Variants in RHOBTB3 observed in about 807,000 individuals in gnomAD.
RHOBTB3 encodes Rho related BTB domain containing 3.
In RHOBTB3, 47 loss-of-function variants were observed where a neutral mutation model predicts 67.2. The observed-to-expected ratio is 0.70, with a 90% CI of 0.55 to 0.89. The LOEUF is 0.89. RHOBTB3 is among the 40% of genes least tolerant of loss of function. RHOBTB3 has a pLI of 0.00. For missense variants in RHOBTB3, 631 were observed against 750.0 expected (o/e 0.84, Z 1.85); for synonymous variants, 273 against 274.2 (o/e 1.00, Z 0.04).
chr5:95,780,179 T>C, intron 8 of RHOBTB3, 73 bp from the exon 9 acceptor site: 7 of 1,293,956 alleles, frequency 5.4e-6, no homozygotes, highest in Non-Finnish European at 7.6e-6. Flanking sequence ...GTAGTCTAAT[T>C]AGAAGGAAAA....
At chr5:95,762,566 G>A (rs755825437) in intron 6 of RHOBTB3, among the ~76,000 whole-genome samples, 1 of 143,514 alleles carries the variant, frequency 7.0e-6, no homozygotes, top group Admixed American at 7.4e-5. Flanking sequence ...AGGTAGAACT[G>A]GATCCTAGGT....
chr5:95,729,474 ATT>A (rs1561435363), upstream of RHOBTB3, among the ~76,000 whole-genome samples: 1 of 152,158 alleles, frequency 6.6e-6, no homozygotes, highest in African/African-American at 2.4e-5. Context: ...ATATTTTTAT[ATT>A]GTCATAAAAT....
Position 95,731,902 on chromosome 5 carries a change from C to T in RHOBTB3, c.46C>T (p.His16Tyr). 2 of 1,614,098 alleles carry T rather than the reference C, an allele frequency of 1.2e-6. No individual in the cohort carries two copies. Among genetic ancestry groups the T allele is most frequent in the South Asian group, 1.1e-5 (1 of 91,086 alleles). Residue 16 changes from histidine (H) to tyrosine (Y), a missense_variant, in exon 2 of 12, where the codon CAC (histidine) becomes TAC (tyrosine). Transcript: ENST00000379982. The stretch of plus-strand genomic sequence containing the variant: ...GCTGGGGAACGAGGGGGACACATTC[C>T]ACCAGGACAACCGGCCGTCGGGGCT... ...VALGNEGDTF[H>Y]QDNRPSGLIR...
chr5:95,754,354 A>G (rs1168829461), intron 5 of RHOBTB3, among the ~76,000 whole-genome samples: 1 of 152,180 alleles, frequency 6.6e-6, no homozygotes, highest in Non-Finnish European at 1.5e-5. Flanking sequence ...TCTGGGGCAC[A>G]TGGCATTTAG....
intron 8 of RHOBTB3, among the ~76,000 whole-genome samples, chr5:95,778,943 A>C (rs1420362269): frequency 1.3e-5 from 2 of 152,212 alleles, no homozygotes; most frequent in African/African-American, 4.8e-5. Context: ...TGGCTGTGCA[A>C]ATGGCAGTGC....
At chr5:95,783,131 TA>T (rs1746110260) in intron 9 of RHOBTB3, among the ~76,000 whole-genome samples, 1 of 151,340 alleles carries the variant, frequency 6.6e-6, no homozygotes, top group Non-Finnish European at 1.5e-5. Context: ...TTTTTATTTT[TA>T]TTTTTTTGAG....
intron 6 of RHOBTB3, among the ~76,000 whole-genome samples, chr5:95,760,976 T>C (rs1199580947): frequency 6.6e-6 from 1 of 152,186 alleles, no homozygotes; most frequent in East Asian, 1.9e-4. Flanking sequence ...AGTGTGCTCT[T>C]GAGAATTAGT....
At chr5:95,782,113 A>G (rs917228949) in intron 9 of RHOBTB3, 3 of 152,240 alleles carry the variant, frequency 2.0e-5, no homozygotes, top group African/African-American at 7.2e-5. Context: ...AAAATTGGCA[A>G]AAGTGTGTTA....
chr5:95,770,623 A>T, intron 8 of RHOBTB3: 1 of 485,576 alleles, frequency 2.1e-6, no homozygotes. Context: ...TCCATTAATT[A>T]CAGCAGAAGT....
intron 7 of RHOBTB3, among the ~76,000 whole-genome samples, chr5:95,764,944 G>A (rs1430289161): frequency 2.6e-5 from 4 of 152,034 alleles, no homozygotes; most frequent in Non-Finnish European, 4.4e-5. Flanking sequence ...TGGCAGGATG[G>A]TAGCTCTTGC....
At chr5:95,725,652 A>G (rs1755032098) in intron 1 of RHOBTB3, among the ~76,000 whole-genome samples, 1 of 152,234 alleles carries the variant, frequency 6.6e-6, no homozygotes, top group South Asian at 2.1e-4. Flanking sequence ...AAGCTGCTAT[A>G]AAATTCTTGT....
At chr5:95,757,746 T>TTAAGCACCTG (rs1745288178) in intron 6 of RHOBTB3, among the ~76,000 whole-genome samples, 1 of 152,164 alleles carries the variant, frequency 6.6e-6, no homozygotes, top group African/African-American at 2.4e-5. Context: ...AAAGCATAAA[T>TTAAGCACCTG]TAAGCACCTG....
intron 3 of RHOBTB3, among the ~76,000 whole-genome samples, chr5:95,738,051 T>C (rs1270590904): frequency 2.6e-5 from 4 of 152,228 alleles, no homozygotes; most frequent in Admixed American, 6.5e-5. Flanking sequence ...TGTGTTTATC[T>C]GTAGTTTGTT....
intron 11 of RHOBTB3, among the ~76,000 whole-genome samples, chr5:95,792,388 GAAAAA>G (rs752562205): frequency 7.4e-4 from 62 of 83,706 alleles, no homozygotes; most frequent in African/African-American, 2.8e-3. Context: ...CTCCGTCTCA[GAAAAA>G]AAAAAAAAAG....
At chr5:95,783,752 A>T (rs768242417) in intron 9 of RHOBTB3, 45 bp from the exon 10 acceptor site, 1 of 1,549,550 alleles carries the variant, frequency 6.5e-7, no homozygotes, top group South Asian at 1.2e-5. Context: ...TCATTAAAGA[A>T]ATGGTTTCAT....
rs748831329 is a variant in RHOBTB3 at position 95,731,499 on chromosome 5, G to A, written c.-184G>A. 4 of 1,244,956 alleles carry A rather than the reference G, an allele frequency of 3.2e-6. No homozygotes were observed. The Admixed American group carries it at 1.3e-4, about 41-fold the overall frequency. The allele number at this position is 1,244,956 out of a possible 1,614,324, so 77.1% of individuals were successfully genotyped here. ...CGCCCGCTAGCCCGCCCTGGTCCCC[G>A]GCTCGCTCGCTGGCTGGCGCGGCCC... On this transcript the variant is annotated 5_prime_UTR_variant, in exon 1 of 12. Transcript: ENST00000379982.
rs1307496948 is a variant in RHOBTB3 at position 95,752,328 on chromosome 5, A to G, written c.660A>G (p.Arg220=). The G allele has an allele frequency of 6.2e-7, 1 of 1,604,998 alleles. No individual in the cohort carries two copies. ...TGAGCAACTCCTTTCATGGAATTAGACCACCTCAACTTGAACAACCAGGTG... is the reference window on the plus strand; with the variant it reads ...TGAGCAACTCCTTTCATGGAATTAGGCCACCTCAACTTGAACAACCAGGTG... The part of the protein sequence containing the change: ...RKMSNSFHGI[R]PPQLEQPEKM... Residue 220 remains arginine, a synonymous_variant, in exon 5 of 12, where the codon AGA becomes AGG. Coordinates refer to ENST00000379982, the MANE Select transcript of RHOBTB3 (RefSeq NM_014899.4).
At chr5:95,727,558 TGG>T, upstream of RHOBTB3, among the ~76,000 whole-genome samples, 1 of 152,194 alleles carries the variant, frequency 6.6e-6, no homozygotes, top group Non-Finnish European at 1.5e-5. Context: ...AAATATTGTT[TGG>T]GTTGGAAGCC....
rs1277281853 is a variant in RHOBTB3 at position 95,793,979 on chromosome 5, C to G, written c.*805C>G. 4.4e-6 allele frequency: 2 copies of G among 455,978 alleles called. No homozygotes were observed. The highest frequency in any genetic ancestry group is 1.5e-5 in the South Asian group (1 of 64,552). 28.2% of individuals were successfully genotyped at this position (455,978 alleles called of 1,614,324 possible). A position where few individuals can be genotyped will look rare whatever the true frequency, so the allele number is the denominator to read the frequency against. Reference sequence around the variant, plus strand: ...TGTCTGTTTCGTGGTGGGAAATATCCTATGTTTTCTTGCTCAAACACCTTT... The same window carrying G: ...TGTCTGTTTCGTGGTGGGAAATATCGTATGTTTTCTTGCTCAAACACCTTT... On this transcript the variant is annotated 3_prime_UTR_variant, in exon 12 of 12. Transcript: ENST00000379982.
Sources: gnomAD v4.1 joint callset for allele counts (sites outside exome capture counted in the v4.1 genomes callset) on GRCh38, gnomAD v4.1.1 for gene constraint, MANE v1.5 for transcripts, NCBI Gene and HGNC (gene_info 2026-07-23, HGNC 2026-07-21) for gene names.